The following PDE1A variants were observed in gnomAD, a reference collection of about 807,000 sequenced individuals.
The protein encoded by PDE1A is phosphodiesterase 1A, also known as dual specificity calcium/calmodulin-dependent 3',5'-cyclic nucleotide phosphodiesterase 1A.
PDE1A carries 35 observed loss-of-function variants against 61.7 expected under a neutral mutation model. The ratio of observed to expected loss-of-function variants is 0.57; its 90% confidence interval spans 0.43 to 0.75. The LOEUF is 0.75. Ranked by LOEUF, PDE1A falls within the 30% of genes least tolerant of loss-of-function variation. The pLI is 0.00. For synonymous variants in PDE1A, 232 were observed against 213.2 expected, an observed-to-expected ratio of 1.09 and a Z score of -0.77; for missense variants, 597 against 630.6, an observed-to-expected ratio of 0.95 and a Z score of 0.57.
chr2:182,578,273 T>A, the PDE1A span, among the ~76,000 whole-genome samples: 1 of 152,086 alleles, frequency 6.6e-6, no homozygotes, highest in Admixed American at 6.5e-5. Context: ...ATTAAGCTTA[T>A]CATCTGAGTT....
At chr2:182,549,596 T>C in the PDE1A span, among the ~76,000 whole-genome samples, 1 of 152,124 alleles carries the variant, frequency 6.6e-6, no homozygotes, top group Non-Finnish European at 1.5e-5. Context: ...CTGTCTAGAT[T>C]ATATTTTGTT....
intron 13 of PDE1A, among the ~76,000 whole-genome samples, chr2:182,154,631 C>A (rs1448208546): frequency 6.6e-6 from 1 of 152,084 alleles, no homozygotes; most frequent in African/African-American, 2.4e-5. Context: ...TCTTGCCTGC[C>A]GCCATGTAAG....
At chr2:182,241,835 C>T in intron 2 of PDE1A, 3 of 1,541,748 alleles carry the variant, frequency 1.9e-6, no homozygotes, top group South Asian at 1.2e-5. Context: ...TCTGATCTGA[C>T]ATTTGGATGG....
At chr2:182,572,603 C>G in the PDE1A span, among the ~76,000 whole-genome samples, 2 of 152,140 alleles carry the variant, frequency 1.3e-5, no homozygotes, top group South Asian at 2.1e-4. Flanking sequence ...GAAAGATAGG[C>G]CAGGCGCGGT....
Position 182,446,370 on chromosome 2 carries a change from A to G in PDE1A, c.101+75906T>C, listed in dbSNP as rs1574675166. On this transcript the variant is annotated intron_variant, in intron 2 of 14. Transcript: ENST00000410103. ...TAAACTTATCTTAGCCATTGATATC[A>G]TAAAGGCATGCTGTTTACCCCAAAT... Among the ~76,000 whole-genome samples, 6 of 152,230 alleles carry G rather than the reference A, an allele frequency of 3.9e-5. No individual in the cohort carries two copies. The Middle Eastern group carries it at 0.017, about 431-fold the overall frequency.
At chr2:182,575,585 C>T in the PDE1A span, among the ~76,000 whole-genome samples, 3 of 151,338 alleles carry the variant, frequency 2.0e-5, no homozygotes, top group Non-Finnish European at 4.4e-5. Flanking sequence ...TCCACTTCTG[C>T]CCTTTGATTC....
chr2:182,337,260 C>T (rs1046526812), intron 1 of PDE1A, among the ~76,000 whole-genome samples: 1 of 151,928 alleles, frequency 6.6e-6, no homozygotes, highest in African/African-American at 2.4e-5. Flanking sequence ...GAAATACATA[C>T]AAAATAAAGC....
the PDE1A span, among the ~76,000 whole-genome samples, chr2:182,590,672 T>C: frequency 2.4e-4 from 37 of 152,274 alleles, no homozygotes; most frequent in Non-Finnish European, 4.4e-4. Flanking sequence ...ATTGCAGAAT[T>C]TGTACTTATA....
chr2:182,417,898 A>C (rs1703019636), intron 1 of PDE1A, among the ~76,000 whole-genome samples: 1 of 152,222 alleles, frequency 6.6e-6, no homozygotes, highest in Non-Finnish European at 1.5e-5. Flanking sequence ...AATTTAAAAA[A>C]AAATTCATTT....
the PDE1A span, among the ~76,000 whole-genome samples, chr2:182,714,938 C>G: frequency 1.3e-5 from 2 of 152,152 alleles, no homozygotes; most frequent in Admixed American, 1.3e-4. Flanking sequence ...TGCATCCTCT[C>G]TCCAATAGCT....
intron 3 of PDE1A, among the ~76,000 whole-genome samples, chr2:182,235,904 G>T (rs1290300097): frequency 6.6e-6 from 1 of 152,100 alleles, no homozygotes; most frequent in African/African-American, 2.4e-5. Context: ...AAATGCATGG[G>T]ACATATTACT....
At chr2:182,634,100 A>G in the PDE1A span, among the ~76,000 whole-genome samples, 8 of 146,524 alleles carry the variant, frequency 5.5e-5, no homozygotes, top group African/African-American at 2.0e-4. Context: ...AAAAAACAAG[A>G]AAAAAAAAAA....
At chr2:182,267,762 T>C (rs1365980113) in intron 1 of PDE1A, among the ~76,000 whole-genome samples, 1 of 152,060 alleles carries the variant, frequency 6.6e-6, no homozygotes, top group Non-Finnish European at 1.5e-5. Flanking sequence ...AACAATCTTA[T>C]TTCGGCTATT....
chr2:182,163,502 T>A (rs920332990), downstream of PDE1A, among the ~76,000 whole-genome samples: 79 of 152,154 alleles, frequency 5.2e-4, no homozygotes, highest in Non-Finnish European at 1.5e-4. Flanking sequence ...CACTGTGGAT[T>A]TATTGGCAAG....
the PDE1A span, among the ~76,000 whole-genome samples, chr2:182,666,619 A>G: frequency 1.3e-5 from 2 of 152,134 alleles, no homozygotes; most frequent in African/African-American, 4.8e-5. Flanking sequence ...AAAAAAAAAA[A>G]AAAATTATAG....
chr2:182,141,017 G>A (rs531492660), exon 15 of PDE1A: 16 of 151,360 alleles, frequency 1.1e-4, no homozygotes, highest in Admixed American at 4.6e-4. Context: ...GCATAACCTG[G>A]AAAATTAGGT....
chr2:182,547,506 G>A, the PDE1A span, among the ~76,000 whole-genome samples: 12 of 152,284 alleles, frequency 7.9e-5, no homozygotes, highest in South Asian at 2.5e-3. Flanking sequence ...AATTTACTTC[G>A]TGTAAGTTGT....
At chr2:182,586,795 T>C in the PDE1A span, among the ~76,000 whole-genome samples, 2 of 152,232 alleles carry the variant, frequency 1.3e-5, no homozygotes, top group African/African-American at 4.8e-5. Context: ...CATGCATTCA[T>C]CCATTCGATA....
chr2:182,555,143 C>T, the PDE1A span, among the ~76,000 whole-genome samples: 2 of 152,234 alleles, frequency 1.3e-5, no homozygotes, highest in East Asian at 1.9e-4. Context: ...TCACAGTAAA[C>T]ATTCCCTGAC....
Sources: gnomAD v4.1 joint callset for allele counts (sites outside exome capture counted in the v4.1 genomes callset) on GRCh38, gnomAD v4.1.1 for gene constraint, MANE v1.5 for transcripts, NCBI Gene and HGNC (gene_info 2026-07-23, HGNC 2026-07-21) for gene names.